Variants in RBFOX1 observed in about 807,000 individuals in gnomAD.
RBFOX1 encodes the protein RNA binding fox-1 homolog 1, also known as RNA binding protein fox-1 homolog 1.
In RBFOX1, 8 loss-of-function variants were observed where a neutral mutation model predicts 57.7. The observed-to-expected ratio is 0.14, with a 90% CI of 0.08 to 0.25. The LOEUF (loss-of-function observed/expected upper bound fraction) is 0.25, where lower values mean the gene tolerates loss of function less well. RBFOX1 is among the 10% of genes least tolerant of loss of function. The probability of loss-of-function intolerance (pLI) is 1.00; values close to 1 mark genes in which losing one functional copy is unlikely to be tolerated. For synonymous variants in RBFOX1, 326 were observed against 222.4 expected (o/e 1.47, Z -4.15); for missense variants, 611 against 548.5 (o/e 1.11, Z -1.14).
chr16:5,749,598 C>A (rs529984486), intron 3 of RBFOX1, among the ~76,000 whole-genome samples: 1 of 152,160 alleles, frequency 6.6e-6, no homozygotes, highest in Non-Finnish European at 1.5e-5. Context: ...CTTCTCTTCT[C>A]GCTTCATTTC....
rs893215198 is a variant in RBFOX1 at position 6,019,321 on chromosome 16, G to T, written c.-798G>T. The T allele has an allele frequency of 1.0e-6, 1 of 985,004 alleles. No homozygotes were observed. 61.0% of individuals were successfully genotyped at this position (985,004 alleles called of 1,614,324 possible). On this transcript the variant is annotated 5_prime_UTR_variant, in exon 1 of 16. Transcript: ENST00000550418. The surrounding 1 kb of genome is among the most constrained non-coding windows in gnomAD (Gnocchi z 4.2). ...GTCACCTCCTTTCCAGTCCCCGTGCGAGCCGCGCTGCCGCCGCCTCCTCCA... is the reference window on the plus strand; with the variant it reads ...GTCACCTCCTTTCCAGTCCCCGTGCTAGCCGCGCTGCCGCCGCCTCCTCCA...
chr16:6,883,916 C>A (rs1372674197), intron 3 of RBFOX1, among the ~76,000 whole-genome samples: 5 of 151,984 alleles, frequency 3.3e-5, no homozygotes, highest in Non-Finnish European at 7.4e-5. Flanking sequence ...AGGGGAACAT[C>A]TTTACCCCAG....
intron 3 of RBFOX1, among the ~76,000 whole-genome samples, chr16:6,930,375 G>T (rs145179107): frequency 6.6e-6 from 1 of 152,156 alleles, no homozygotes; most frequent in Non-Finnish European, 1.5e-5. Context: ...GTCACAATGA[G>T]ATACCACCTC....
At chr16:5,579,151 C>G (rs967038635) in intron 2 of RBFOX1, among the ~76,000 whole-genome samples, 1 of 151,816 alleles carries the variant, frequency 6.6e-6, no homozygotes, top group African/African-American at 2.4e-5. Context: ...CCTGGCCACA[C>G]CCCTAATTCT....
At chr16:7,320,805 A>G (rs1384174441) in intron 4 of RBFOX1, among the ~76,000 whole-genome samples, 1 of 152,246 alleles carries the variant, frequency 6.6e-6, no homozygotes, top group African/African-American at 2.4e-5. Context: ...ATGTGGTTAT[A>G]TTACTTAGAG....
At chr16:6,252,525 C>T (rs1175654929) in intron 1 of RBFOX1, among the ~76,000 whole-genome samples, 1 of 152,038 alleles carries the variant, frequency 6.6e-6, no homozygotes, top group East Asian at 1.9e-4. Flanking sequence ...GAAGTCGACC[C>T]GAAGGAATTC....
chr16:5,589,631 G>A (rs989826508), intron 2 of RBFOX1, among the ~76,000 whole-genome samples: 2 of 152,178 alleles, frequency 1.3e-5, no homozygotes, highest in Non-Finnish European at 2.9e-5. Context: ...CTAGTCCTAG[G>A]CCAGTTCTCC....
At chr16:5,242,809 T>C (rs1006616749) in intron 1 of RBFOX1, among the ~76,000 whole-genome samples, 1 of 152,078 alleles carries the variant, frequency 6.6e-6, no homozygotes, top group Non-Finnish European at 1.5e-5. Flanking sequence ...GGCTGAGGTT[T>C]TAATGTGACT....
intron 3 of RBFOX1, among the ~76,000 whole-genome samples, chr16:6,842,492 C>G (rs1030769014): frequency 1.3e-5 from 2 of 151,950 alleles, no homozygotes; most frequent in African/African-American, 4.8e-5. Flanking sequence ...TTAGAAAAAC[C>G]AAATTGAATC....
chr16:7,486,932 C>G (rs989919805), intron 4 of RBFOX1, among the ~76,000 whole-genome samples: 1 of 152,182 alleles, frequency 6.6e-6, no homozygotes, highest in South Asian at 2.1e-4. Flanking sequence ...TGGAGTCTTG[C>G]TCTGTCACCC....
chr16:7,094,771 T>TGTGTGTGTGTGTGTGTGG (rs945776849), intron 4 of RBFOX1, among the ~76,000 whole-genome samples: 7 of 140,844 alleles, frequency 5.0e-5, no homozygotes, highest in African/African-American at 1.7e-4. Context: ...TGTGTGTGTG[T>TGTGTGTGTGTGTGTGTGG]GTGTGGGTGT....
intron 2 of RBFOX1, among the ~76,000 whole-genome samples, chr16:6,609,890 C>G (rs965921663): frequency 2.6e-5 from 4 of 152,036 alleles, no homozygotes; most frequent in African/African-American, 9.7e-5. Context: ...CACCTGTAGT[C>G]CCAGCTACTT....
chr16:6,541,841 T>G (rs2096824468), intron 2 of RBFOX1, among the ~76,000 whole-genome samples: 1 of 152,174 alleles, frequency 6.6e-6, no homozygotes, highest in African/African-American at 2.4e-5. Context: ...ACAACTTTAA[T>G]GGTTCAGCTT....
chr16:5,478,547 C>A (rs997398433), intron 2 of RBFOX1, among the ~76,000 whole-genome samples: 1 of 152,178 alleles, frequency 6.6e-6, no homozygotes, highest in African/African-American at 2.4e-5. Context: ...CAAGGTAATT[C>A]TCATTGGCCT....
chr16:6,076,678 C>A (rs1226572435), intron 1 of RBFOX1, among the ~76,000 whole-genome samples: 1 of 152,138 alleles, frequency 6.6e-6, no homozygotes, highest in Non-Finnish European at 1.5e-5. Context: ...CACAACTTTT[C>A]TTCTGTGAGT....
At chr16:7,484,020 C>T (rs1461617495) in intron 4 of RBFOX1, among the ~76,000 whole-genome samples, 2 of 152,166 alleles carry the variant, frequency 1.3e-5, no homozygotes, top group African/African-American at 4.8e-5. Context: ...TTCCCTAACC[C>T]CTGGCAAGTA....
intron 4 of RBFOX1, among the ~76,000 whole-genome samples, chr16:7,428,566 T>C (rs2098646660): frequency 6.7e-6 from 1 of 149,706 alleles, no homozygotes; most frequent in African/African-American, 2.5e-5. Context: ...AGACAGGGTT[T>C]TGCCATGTTG....
At chr16:6,644,737 C>T (rs1568019183) in intron 2 of RBFOX1, among the ~76,000 whole-genome samples, 1 of 152,144 alleles carries the variant, frequency 6.6e-6, no homozygotes, top group Non-Finnish European at 1.5e-5. Context: ...ATTGTGGAAA[C>T]ACCTGGGCCC....
At chr16:5,975,879 C>T (rs2060051880) in intron 4 of RBFOX1, among the ~76,000 whole-genome samples, 1 of 152,156 alleles carries the variant, frequency 6.6e-6, no homozygotes, top group Non-Finnish European at 1.5e-5. Context: ...GGTGCAGTGG[C>T]TCATTCCTAT....
Sources: gnomAD v4.1 joint callset for allele counts (sites outside exome capture counted in the v4.1 genomes callset) on GRCh38, gnomAD v4.1.1 for gene constraint, Gnocchi (gnomAD v3.1) non-coding constraint, MANE v1.5 for transcripts, NCBI Gene and HGNC (gene_info 2026-07-23, HGNC 2026-07-21) for gene names.